The following RFTN1 variants were observed in gnomAD, a reference collection of about 807,000 sequenced individuals.
RFTN1 encodes raftlin.
A neutral mutation model predicts 46.5 loss-of-function variants in RFTN1; 26 were observed. The ratio of observed to expected loss-of-function variants is 0.56; its 90% CI spans 0.41 to 0.78. The LOEUF (loss-of-function observed/expected upper bound fraction) is 0.78. Ranked by LOEUF, RFTN1 falls within the 30% of genes least tolerant of loss-of-function variation. The pLI, the probability that RFTN1 is intolerant of heterozygous loss-of-function variation, is 0.00. For synonymous variants in RFTN1, 261 were observed against 284.2 expected, an observed-to-expected ratio of 0.92 and a Z score of 0.82; for missense variants, 693 against 718.7, an observed-to-expected ratio of 0.96 and a Z score of 0.41.
chr3:16,326,963 G>A (rs1411769449), intron 7 of RFTN1, 87 bp from the exon 8 acceptor site: 15 of 972,166 alleles, frequency 1.5e-5, no homozygotes, highest in Middle Eastern at 3.1e-4. Flanking sequence ...CTGCCAATCC[G>A]CAAAACAGAA....
At position 16,342,242 on chromosome 3, in the gene RFTN1, GTC is replaced by G. The variant is rs1478152165; in HGVS notation, c.1147-15368_1147-15367del. Among the ~76,000 whole-genome samples the G allele has an allele frequency of 2.0e-5, 3 of 150,628 alleles. No individual in the cohort carries two copies. The highest frequency in any genetic ancestry group is 2.1e-4 in the South Asian group (1 of 4,762). On this transcript the variant is annotated intron_variant, in intron 7 of 9. Coordinates refer to ENST00000334133, the MANE Select transcript of RFTN1 (RefSeq NM_015150.2). The surrounding 1 kb of genome is among the most constrained non-coding windows in gnomAD (Gnocchi z 4.0). The stretch of plus-strand genomic sequence containing the variant: ...CGAGGCAACCACGAGTCCACTTTTT[GTC>G]TCTATGCACTTGCCTCACCTGGATA...
chr3:16,338,289 C>G lies in RFTN1; in HGVS notation c.1147-11413G>C, dbSNP rs1171881344. The stretch of plus-strand genomic sequence containing the variant: ...AATGAGAACCAGGCAAGGCATGCAA[C>G]CACGCAAGGCTCCTGATCACAGGGA... On this transcript the variant is annotated intron_variant, in intron 7 of 9. Transcript: ENST00000334133. The surrounding 1 kb of genome is among the most constrained non-coding windows in gnomAD (Gnocchi z 5.3). Among the ~76,000 whole-genome samples the G allele has an allele frequency of 6.6e-6, 1 of 152,230 alleles. No homozygotes were observed. The highest frequency in any genetic ancestry group is 2.4e-5 in the African/African-American group (1 of 41,454).
intron 3 of RFTN1, among the ~76,000 whole-genome samples, chr3:16,415,050 G>C (rs73043124): frequency 6.6e-6 from 1 of 152,038 alleles, no homozygotes; most frequent in Non-Finnish European, 1.5e-5. Flanking sequence ...CTGGCTGTAA[G>C]GGGCAGCCAG....
At chr3:16,431,700 C>G (rs566328056) in intron 3 of RFTN1, among the ~76,000 whole-genome samples, 1 of 152,272 alleles carries the variant, frequency 6.6e-6, no homozygotes, top group African/African-American at 2.4e-5. Flanking sequence ...CTTATAGAAT[C>G]CATACAACTC....
rs1017791190 is a variant in RFTN1, at chr3:16,460,973, G to A, written c.146-26936C>T. ...TGTAAAATGAAGTCTCAGAACCCAC[G>A]GCTCAGCCATTTTGGAGAGTGAGAT... On this transcript the variant is annotated intron_variant, in intron 2 of 9. Coordinates refer to ENST00000334133, the MANE Select transcript of RFTN1 (RefSeq NM_015150.2). This position sits in a 1 kb window ranked among gnomAD's most constrained non-coding sequence, Gnocchi z 4.8. Among the ~76,000 whole-genome samples, 4 of 152,206 alleles carry A rather than the reference G, an allele frequency of 2.6e-5. No individual in the cohort carries two copies. Among genetic ancestry groups the A allele is most frequent in the Admixed American group, 2.0e-4 (3 of 15,284 alleles).
At chr3:16,488,405 C>T (rs1003373715) in intron 2 of RFTN1, among the ~76,000 whole-genome samples, 7 of 152,252 alleles carry the variant, frequency 4.6e-5, no homozygotes, top group Non-Finnish European at 8.8e-5. Flanking sequence ...AGCTTATCCT[C>T]ACTTTTTGGA....
rs1424537654 is a variant in RFTN1, at chr3:16,457,626, T to G, written c.146-23589A>C. Among the ~76,000 whole-genome samples the G allele has an allele frequency of 1.3e-5, 2 of 152,226 alleles. No individual in the cohort carries two copies. The highest frequency in any genetic ancestry group is 3.8e-4 in the East Asian group (2 of 5,202). On this transcript the variant is annotated intron_variant, in intron 2 of 9. Coordinates refer to ENST00000334133, the MANE Select transcript of RFTN1 (RefSeq NM_015150.2). The surrounding 1 kb of genome is among the most constrained non-coding windows in gnomAD (Gnocchi z 4.2). ...AGTAATAAAATTTTAGTTTTTTGTTTCGGTGCCTCTGATTGAAAGTGGCAA... is the reference window on the plus strand; with the variant it reads ...AGTAATAAAATTTTAGTTTTTTGTTGCGGTGCCTCTGATTGAAAGTGGCAA...
chr3:16,380,888 AT>A lies in RFTN1; in HGVS notation c.442-2787del, dbSNP rs2073968202. Among the ~76,000 whole-genome samples the A allele has an allele frequency of 6.6e-6, 1 of 152,222 alleles. No individual in the cohort carries two copies. The highest frequency in any genetic ancestry group is 1.5e-5 in the Non-Finnish European group (1 of 68,050). Reference sequence around the variant, plus strand: ...TGAATATATTAAATAATGGATGAATATGTATGCCTTCTCTCCCGAAATGAGC... The same window carrying A: ...TGAATATATTAAATAATGGATGAATAGTATGCCTTCTCTCCCGAAATGAGC... On this transcript the variant is annotated intron_variant, in intron 4 of 9. Transcript: ENST00000334133. The surrounding 1 kb of genome is among the most constrained non-coding windows in gnomAD (Gnocchi z 4.8).
At chr3:16,392,532 T>C (rs1175800990) in intron 4 of RFTN1, among the ~76,000 whole-genome samples, 4 of 152,032 alleles carry the variant, frequency 2.6e-5, no homozygotes, top group Admixed American at 6.5e-5. Context: ...CGGTGCATAA[T>C]TGACACTCAA....
intron 6 of RFTN1, among the ~76,000 whole-genome samples, chr3:16,360,811 A>C (rs2072781498): frequency 6.6e-6 from 1 of 152,246 alleles, no homozygotes; most frequent in South Asian, 2.1e-4. Flanking sequence ...TGTCCCTAAA[A>C]ATATTATGGG....
rs1024582282 is a variant in RFTN1, at chr3:16,452,051, G to A, written c.146-18014C>T. Among the ~76,000 whole-genome samples the A allele has an allele frequency of 3.3e-5, 5 of 152,088 alleles. No homozygotes were observed. Among genetic ancestry groups the A allele is most frequent in the East Asian group, 1.9e-4 (1 of 5,194 alleles). On this transcript the variant is annotated intron_variant, in intron 2 of 9. Coordinates refer to ENST00000334133, the MANE Select transcript of RFTN1 (RefSeq NM_015150.2). This position sits in a 1 kb window ranked among gnomAD's most constrained non-coding sequence, Gnocchi z 6.3. Reference sequence around the variant, plus strand: ...CAAATAGATGATCCACGTCCTGGGCGGAATAGAGCAGGATGGCACGAGATT... The same window carrying A: ...CAAATAGATGATCCACGTCCTGGGCAGAATAGAGCAGGATGGCACGAGATT...
At position 16,458,920 on chromosome 3, in the gene RFTN1, G is replaced by C. The variant is rs2075960711; in HGVS notation, c.146-24883C>G. On this transcript the variant is annotated intron_variant, in intron 2 of 9. Transcript: ENST00000334133. The surrounding 1 kb of genome is among the most constrained non-coding windows in gnomAD (Gnocchi z 5.1). ...CGAATTCCCTAAAAGTTACAACCCAGGGCTACTGGGTTTTCCTTTCTTTTC... is the reference window on the plus strand; with the variant it reads ...CGAATTCCCTAAAAGTTACAACCCACGGCTACTGGGTTTTCCTTTCTTTTC... 6.6e-6 allele frequency among the ~76,000 whole-genome samples: 1 copy of C among 152,102 alleles called. No individual in the cohort carries two copies. The highest frequency in any genetic ancestry group is 1.5e-5 in the Non-Finnish European group (1 of 68,014).
At position 16,392,522 on chromosome 3, in the gene RFTN1, C is replaced by T. The variant is rs150573457; in HGVS notation, c.442-14420G>A. Among the ~76,000 whole-genome samples the T allele has an allele frequency of 5.3e-3, 801 of 151,990 alleles. 4 individuals carry two copies. The highest frequency in any genetic ancestry group is 9.7e-3 in the Non-Finnish European group (657 of 67,970). The stretch of plus-strand genomic sequence containing the variant: ...GTCAGCTGCCCCATGTGTTCACTGA[C>T]GGTGCATAATTGACACTCAAAACAT... On this transcript the variant is annotated intron_variant, in intron 4 of 9. Coordinates refer to ENST00000334133, the MANE Select transcript of RFTN1 (RefSeq NM_015150.2).
At position 16,489,235 on chromosome 3, in the gene RFTN1, T is replaced by A. The variant is rs1055717908; in HGVS notation, c.145+4490A>T. Among the ~76,000 whole-genome samples the A allele has an allele frequency of 3.9e-5, 6 of 152,156 alleles. No individual in the cohort carries two copies. Among genetic ancestry groups the A allele is most frequent in the Admixed American group, 2.0e-4 (3 of 15,270 alleles). ...GAGTTCGAGACCAGCCTGGCCAACA[T>A]GGCAAAAGCCTGTGTCTACTAAAAA... On this transcript the variant is annotated intron_variant, in intron 2 of 9. Coordinates refer to ENST00000334133, the MANE Select transcript of RFTN1 (RefSeq NM_015150.2). The surrounding 1 kb of genome is among the most constrained non-coding windows in gnomAD (Gnocchi z 4.0).
Position 16,513,326 on chromosome 3 carries a change from A to C in RFTN1, c.-9+116T>G, listed in dbSNP as rs558187335. ...GGAGCCCCGGCAAAGAGCAACCTGC[A>C]GGGAGGCGCCACGCGCGGTTCCCAC... is the stretch of plus-strand genomic sequence containing the variant. On this transcript the variant is annotated intron_variant, in intron 1 of 9. Transcript: ENST00000334133. The surrounding 1 kb of genome is among the most constrained non-coding windows in gnomAD (Gnocchi z 5.4). The C allele has an allele frequency of 7.1e-4, 109 of 152,828 alleles. No individual in the cohort carries two copies. The highest frequency in any genetic ancestry group is 2.5e-3 in the African/African-American group (103 of 41,578). 9.5% of individuals were successfully genotyped at this position (152,828 alleles called of 1,614,324 possible). A position where few individuals can be genotyped will look rare whatever the true frequency, so the allele number is the denominator to read the frequency against.
chr3:16,396,578 T>A (rs1409329266), intron 4 of RFTN1, among the ~76,000 whole-genome samples: 1 of 151,968 alleles, frequency 6.6e-6, no homozygotes, highest in African/African-American at 2.4e-5. Flanking sequence ...AGGAGGGAGT[T>A]TTTAATTGCT....
chr3:16,338,979 C>G lies in RFTN1; in HGVS notation c.1147-12103G>C, dbSNP rs1176732071. ...CATAAAATGCAAACCCAGAAGAGGTCTCTGAATAAAGGTTGGTTCAAAACC... is the reference window on the plus strand; with the variant it reads ...CATAAAATGCAAACCCAGAAGAGGTGTCTGAATAAAGGTTGGTTCAAAACC... On this transcript the variant is annotated intron_variant, in intron 7 of 9. Transcript: ENST00000334133. The surrounding 1 kb of genome is among the most constrained non-coding windows in gnomAD (Gnocchi z 5.3). Among the ~76,000 whole-genome samples the G allele has an allele frequency of 2.6e-5, 4 of 152,142 alleles. No individual in the cohort carries two copies. Among genetic ancestry groups the G allele is most frequent in the Non-Finnish European group, 2.9e-5 (2 of 68,032 alleles).
At chr3:16,430,259 C>T (rs943362184) in intron 3 of RFTN1, among the ~76,000 whole-genome samples, 4 of 152,008 alleles carry the variant, frequency 2.6e-5, no homozygotes, top group Non-Finnish European at 2.9e-5. Flanking sequence ...TACAGGCGTG[C>T]GCCACTACAC....
At position 16,458,102 on chromosome 3, in the gene RFTN1, A is replaced by G. The variant is rs191870056; in HGVS notation, c.146-24065T>C. On this transcript the variant is annotated intron_variant, in intron 2 of 9. Transcript: ENST00000334133. This position sits in a 1 kb window ranked among gnomAD's most constrained non-coding sequence, Gnocchi z 5.1. ...AGCCTCCAGAACTGTGAGCAAAAAA[A>G]AATCTTTGTTCTTTATAAACTACCC... is the stretch of plus-strand genomic sequence containing the variant. 2.9e-4 allele frequency among the ~76,000 whole-genome samples: 44 copies of G among 152,310 alleles called. 1 individual carries two copies. Among genetic ancestry groups the G allele is most frequent in the Admixed American group, 5.9e-4 (9 of 15,298 alleles).
Sources: gnomAD v4.1 joint callset for allele counts (sites outside exome capture counted in the v4.1 genomes callset) on GRCh38, gnomAD v4.1.1 for gene constraint, Gnocchi (gnomAD v3.1) non-coding constraint, MANE v1.5 for transcripts, NCBI Gene and HGNC (gene_info 2026-07-23, HGNC 2026-07-21) for gene names.